Variants in ANKS4B observed in about 807,000 individuals in gnomAD.
ANKS4B encodes ankyrin repeat and SAM domain-containing protein 4B.
Under a neutral mutation model 20.2 loss-of-function variants are expected in ANKS4B, and 21 were observed. That is an observed-to-expected ratio of 1.04 (90% CI 0.74 to 1.50). The LOEUF (loss-of-function observed/expected upper bound fraction) is 1.50, where lower values mean the gene tolerates loss of function less well. Among genes scored for constraint, ANKS4B ranks in the 40% most tolerant of loss-of-function variants. ANKS4B has a pLI of 0.00. For synonymous variants in ANKS4B, 179 were observed against 194.5 expected (o/e 0.92, Z 0.66); for missense variants, 473 against 494.6 (o/e 0.96, Z 0.41).
At position 21,251,073 on chromosome 16, in the gene ANKS4B, T is replaced by C; in HGVS notation, c.*253T>C. The C allele has an allele frequency of 2.4e-6, 1 of 422,216 alleles. No individual in the cohort carries two copies. The highest frequency in any genetic ancestry group is 4.2e-6 in the Non-Finnish European group (1 of 239,676). 26.2% of individuals were successfully genotyped at this position (422,216 alleles called of 1,614,324 possible). ...TCTCTTCAGTTATCTTATATGTACATATAATTGTTTTTGTGGTTGTTTTGT... is the reference window on the plus strand; with the variant it reads ...TCTCTTCAGTTATCTTATATGTACACATAATTGTTTTTGTGGTTGTTTTGT... On this transcript the variant is annotated 3_prime_UTR_variant, in exon 2 of 2. Coordinates refer to ENST00000311620, the MANE Select transcript of ANKS4B (RefSeq NM_145865.3).
In ANKS4B at chr16:21,241,656, C is replaced by T. The variant is rs1364024699; in HGVS notation, c.164+7755C>T. On this transcript the variant is annotated intron_variant, in intron 1 of 1. Transcript: ENST00000311620. Reference sequence around the variant, plus strand: ...CAAACTCCTGGCCTCAAGTGATCAACCCACCTTGGCCTCCCAAAGTGCTAG... The same window carrying T: ...CAAACTCCTGGCCTCAAGTGATCAATCCACCTTGGCCTCCCAAAGTGCTAG... Among the ~76,000 whole-genome samples the T allele has an allele frequency of 2.0e-5, 3 of 152,184 alleles. No individual in the cohort carries two copies. The East Asian group carries it at 5.8e-4, about 29-fold the overall frequency.
intron 1 of ANKS4B, among the ~76,000 whole-genome samples, chr16:21,236,925 C>CAT (rs1397166904): frequency 5.3e-5 from 8 of 152,154 alleles, no homozygotes; most frequent in Admixed American, 3.3e-4. Context: ...TCAACAAATA[C>CAT]ATTTCTTAGC....
intron 1 of ANKS4B, among the ~76,000 whole-genome samples, chr16:21,247,054 T>C (rs1486610579): frequency 6.6e-6 from 1 of 151,802 alleles, no homozygotes; most frequent in Non-Finnish European, 1.5e-5. Flanking sequence ...GAGTCTTCTG[T>C]ACTTTTTTTG....
intron 1 of ANKS4B, among the ~76,000 whole-genome samples, chr16:21,239,763 A>G (rs1184033656): frequency 3.9e-5 from 6 of 152,222 alleles, no homozygotes. Flanking sequence ...TTGTGGGAAC[A>G]TGGGTGGAGA....
intron 1 of ANKS4B, among the ~76,000 whole-genome samples, chr16:21,234,837 TTG>T (rs150937238): frequency 1.3e-5 from 2 of 150,040 alleles, no homozygotes; most frequent in Non-Finnish European, 3.0e-5. Flanking sequence ...TCTATGATAT[TTG>T]TGTGTGTGTG....
chr16:21,242,998 CCTAT>C (rs1289634584), intron 1 of ANKS4B, among the ~76,000 whole-genome samples: 8 of 152,128 alleles, frequency 5.3e-5, no homozygotes, highest in Non-Finnish European at 1.5e-5. Context: ...TTAATCGTTG[CCTAT>C]CTGATTGGCA....
chr16:21,238,349 A>G (rs2093322689), intron 1 of ANKS4B, among the ~76,000 whole-genome samples: 1 of 152,130 alleles, frequency 6.6e-6, no homozygotes, highest in Non-Finnish European at 1.5e-5. Flanking sequence ...GTTTTCAACC[A>G]TTTCTCCTTG....
In ANKS4B at chr16:21,237,165, C is replaced by T. The variant is rs572232459; in HGVS notation, c.164+3264C>T. ...CCTCCTAAGTAGCTGGGTCTACAGG[C>T]GTGCACTACCACGCCGGGCTAATTT... is the stretch of plus-strand genomic sequence containing the variant. On this transcript the variant is annotated intron_variant, in intron 1 of 1. Transcript: ENST00000311620. 1.8e-4 allele frequency among the ~76,000 whole-genome samples: 27 copies of T among 152,164 alleles called. No individual in the cohort carries two copies. The South Asian group carries it at 3.7e-3, about 21-fold the overall frequency.
chr16:21,242,931 C>T (rs1418555596), intron 1 of ANKS4B, among the ~76,000 whole-genome samples: 1 of 152,176 alleles, frequency 6.6e-6, no homozygotes, highest in Non-Finnish European at 1.5e-5. Context: ...CTTTCTGCTT[C>T]TTCCAGCAGT....
chr16:21,250,399 G>C lies in ANKS4B; in HGVS notation c.833G>C (p.Arg278Thr). 1.2e-6 allele frequency: 2 copies of C among 1,614,164 alleles called. No homozygotes were observed. The highest frequency in any genetic ancestry group is 2.2e-5 in the South Asian group (2 of 91,084). ...RPGLGSIVFRRNRISSPEDIS... is the reference protein window; with the variant it reads ...RPGLGSIVFRTNRISSPEDIS... ...GGTCTAGGAAGTATTGTTTTTAGAAGGAACAGGATATCGAGTCCTGAAGAC... is the reference window on the plus strand; with the variant it reads ...GGTCTAGGAAGTATTGTTTTTAGAACGAACAGGATATCGAGTCCTGAAGAC... Residue 278 changes from arginine to threonine, a missense_variant, in exon 2 of 2, where the codon AGG becomes ACG. Coordinates refer to ENST00000311620, the MANE Select transcript of ANKS4B (RefSeq NM_145865.3).
Position 21,240,942 on chromosome 16 carries a change from C to T in ANKS4B, c.164+7041C>T, listed in dbSNP as rs368988181. Among the ~76,000 whole-genome samples the T allele has an allele frequency of 4.0e-4, 61 of 152,182 alleles. No homozygotes were observed. In the East Asian group the frequency reaches 7.0e-3, roughly 17 times the overall value. The stretch of plus-strand genomic sequence containing the variant: ...AGCAGCTGGAACTACAGGTATGCGC[C>T]ACCATGCCCAGCTAATTTTGGTATT... On this transcript the variant is annotated intron_variant, in intron 1 of 1. Transcript: ENST00000311620.
Position 21,250,605 on chromosome 16 carries a change from C to T in ANKS4B, c.1039C>T (p.Pro347Ser), listed in dbSNP as rs1252802234. ...EWEEDVVDATPLEVFLLSQHL... is the reference protein window; with the variant it reads ...EWEEDVVDATSLEVFLLSQHL... ...GGAGGAAGATGTGGTCGATGCCACG[C>T]CCCTGGAAGTGTTCTTGCTGTCTCA... The change falls in exon 2 of 2, where the codon CCC (proline) becomes TCC (serine). Residue 347 changes from proline (P) to serine (S), a missense_variant. Physicochemically the swap from Pro to Ser is moderately conservative, Grantham distance 74 (BLOSUM62 -1). Transcript: ENST00000311620. 2.5e-6 allele frequency: 4 copies of T among 1,614,064 alleles called. No individual in the cohort carries two copies. Among genetic ancestry groups the T allele is most frequent in the Non-Finnish European group, 3.4e-6 (4 of 1,180,006 alleles).
In ANKS4B at chr16:21,250,964, C is replaced by T. The variant is rs560782195; in HGVS notation, c.*144C>T. The T allele has an allele frequency of 1.7e-6, 2 of 1,198,398 alleles. No individual in the cohort carries two copies. Among genetic ancestry groups the T allele is most frequent in the Non-Finnish European group, 2.3e-6 (2 of 876,188 alleles). 74.2% of individuals were successfully genotyped at this position (1,198,398 alleles called of 1,614,324 possible). A position where few individuals can be genotyped will look rare whatever the true frequency, so the allele number is the denominator to read the frequency against. Reference sequence around the variant, plus strand: ...TGCCTACCTGAGAGAGAGACCCAAACTTTACTCTGGGAGGTAGGCTATGCC... The same window carrying T: ...TGCCTACCTGAGAGAGAGACCCAAATTTTACTCTGGGAGGTAGGCTATGCC... On this transcript the variant is annotated 3_prime_UTR_variant, in exon 2 of 2. Coordinates refer to ENST00000311620, the MANE Select transcript of ANKS4B (RefSeq NM_145865.3).
intron 1 of ANKS4B, among the ~76,000 whole-genome samples, chr16:21,237,508 G>A (rs532865236): frequency 2.0e-4 from 31 of 151,744 alleles, no homozygotes; most frequent in Non-Finnish European, 3.1e-4. Context: ...GGTGTCTGAT[G>A]ACAGCCCTGT....
chr16:21,249,622 T>C (rs2093336232), intron 1 of ANKS4B, 109 bp from the exon 2 acceptor site: 1 of 1,232,338 alleles, frequency 8.1e-7, no homozygotes, highest in Non-Finnish European at 1.1e-6. Context: ...AGGATGAACA[T>C]GTTTGTATTA....
At chr16:21,235,178 T>C (rs2093318786) in intron 1 of ANKS4B, among the ~76,000 whole-genome samples, 1 of 152,018 alleles carries the variant, frequency 6.6e-6, no homozygotes, top group African/African-American at 2.4e-5. Context: ...AAAAGGGAAA[T>C]AGAGGGCACT....
intron 1 of ANKS4B, 96 bp downstream of exon 1, chr16:21,233,997 T>C: frequency 4.2e-6 from 5 of 1,191,016 alleles, no homozygotes; most frequent in Non-Finnish European, 5.9e-6. Context: ...AAATACTTTA[T>C]CCTCTTTCTA....
At chr16:21,241,766 G>A (rs571076640) in intron 1 of ANKS4B, among the ~76,000 whole-genome samples, 73 of 152,114 alleles carry the variant, frequency 4.8e-4, no homozygotes, top group Non-Finnish European at 7.2e-4. Context: ...GGTGTACAAC[G>A]TGATTTTTAA....
intron 1 of ANKS4B, among the ~76,000 whole-genome samples, chr16:21,238,296 T>A (rs1446904903): frequency 6.6e-6 from 1 of 152,258 alleles, no homozygotes; most frequent in East Asian, 1.9e-4. Context: ...TTGCCACTTT[T>A]GTGAACTGTG....
Sources: allele counts gnomAD v4.1 joint callset (sites outside exome capture counted in the v4.1 genomes callset), GRCh38; gene constraint gnomAD v4.1.1; transcripts MANE v1.5; gene names NCBI Gene and HGNC (gene_info 2026-07-23, HGNC 2026-07-21).